Variants in CROT observed in about 807,000 individuals in gnomAD.
CROT encodes the protein peroxisomal carnitine O-octanoyltransferase.
Under a neutral mutation model 89.2 loss-of-function variants are expected in CROT, and 84 were observed. The ratio of observed to expected loss-of-function variants is 0.94; its 90% CI spans 0.79 to 1.13. CROT has a LOEUF of 1.13. CROT is among the 50% of genes most tolerant of loss of function. The pLI, the probability that CROT is intolerant of heterozygous loss-of-function variation, is 0.00. For missense variants in CROT, 711 were observed against 727.8 expected, an observed-to-expected ratio of 0.98 and a Z score of 0.27; for synonymous variants, 212 against 239.5, an observed-to-expected ratio of 0.89 and a Z score of 1.06.
At chr7:87,346,941 C>G (rs1041063251) in intron 2 of CROT, among the ~76,000 whole-genome samples, 1 of 152,178 alleles carries the variant, frequency 6.6e-6, no homozygotes, top group African/African-American at 2.4e-5. Flanking sequence ...TTTCTGGAGG[C>G]TCTAGGGGAG....
At chr7:87,394,977 G>A (rs556391822) in intron 17 of CROT, among the ~76,000 whole-genome samples, 8 of 150,542 alleles carry the variant, frequency 5.3e-5, no homozygotes, top group Non-Finnish European at 1.0e-4. Context: ...AGACAAATGT[G>A]CCCTATTCTG....
intron 10 of CROT, 126 bp from the exon 11 acceptor site, chr7:87,381,784 G>A (rs1807015164): frequency 5.0e-6 from 3 of 598,358 alleles, no homozygotes; most frequent in Non-Finnish European, 2.9e-6. Flanking sequence ...ATCCTCAAGA[G>A]GTGAGGCATT....
intron 17 of CROT, 31 bp from the exon 18 acceptor site, chr7:87,398,493 G>T: frequency 6.2e-7 from 1 of 1,611,550 alleles, no homozygotes. Flanking sequence ...AGCCTTTTGT[G>T]TAATCATTAA....
intron 3 of CROT, among the ~76,000 whole-genome samples, chr7:87,351,700 G>T (rs1213623140): frequency 6.6e-6 from 1 of 152,148 alleles, no homozygotes; most frequent in Non-Finnish European, 1.5e-5. Context: ...TGAGAGGCAG[G>T]TTTAATTTTG....
In CROT at chr7:87,377,390, G is replaced by C. The variant is rs750696044; in HGVS notation, c.918G>C (p.Trp306Cys). ...AILIGDPTVR[W>C]GDKSYNLISF... ...TTATTGGAGATCCAACAGTACGCTGGGGTGACAAATCCTATAACTTGATTT... is the reference window on the plus strand; with the variant it reads ...TTATTGGAGATCCAACAGTACGCTGCGGTGACAAATCCTATAACTTGATTT... Residue 306 changes from tryptophan to cysteine, a missense_variant, in exon 10 of 18, where the codon TGG (tryptophan) becomes TGC (cysteine). Coordinates refer to ENST00000331536, the MANE Select transcript of CROT (RefSeq NM_021151.4). 1 of 1,611,720 alleles carries C rather than the reference G, an allele frequency of 6.2e-7. No individual in the cohort carries two copies. The highest frequency in any genetic ancestry group is 8.5e-7 in the Non-Finnish European group (1 of 1,178,440).
chr7:87,351,802 A>T (rs1014486535), intron 3 of CROT, among the ~76,000 whole-genome samples: 1 of 152,196 alleles, frequency 6.6e-6, no homozygotes, highest in African/African-American at 2.4e-5. Context: ...AAAGTTGTCT[A>T]TAGGAGGTCC....
chr7:87,399,474 C>CA lies in CROT; in HGVS notation c.*833dup, dbSNP rs1807683291. ...TGGGCAAGAGCGTGAGACCCTGTCT[C>CA]AAAGAAGAAAAAAAGAGAAAAATAA... On this transcript the variant is annotated 3_prime_UTR_variant, in exon 18 of 18. Coordinates refer to ENST00000331536, the MANE Select transcript of CROT (RefSeq NM_021151.4). 1 of 151,472 alleles carries CA rather than the reference C, an allele frequency of 6.6e-6. No individual in the cohort carries two copies. Among genetic ancestry groups the CA allele is most frequent in the Non-Finnish European group, 1.5e-5 (1 of 67,940 alleles). The allele number at this position is 151,472 out of a possible 1,614,324, so 9.4% of individuals were successfully genotyped here. A position where few individuals can be genotyped will look rare whatever the true frequency, so the allele number is the denominator to read the frequency against.
chr7:87,347,274 GA>G (rs1380221249), intron 2 of CROT, among the ~76,000 whole-genome samples: 4 of 152,218 alleles, frequency 2.6e-5, no homozygotes, highest in Non-Finnish European at 2.9e-5. Flanking sequence ...AGCAGGGGTG[GA>G]ATCTTGGGGG....
intron 3 of CROT, among the ~76,000 whole-genome samples, chr7:87,351,667 C>T (rs906878359): frequency 2.1e-4 from 32 of 152,176 alleles, no homozygotes; most frequent in Non-Finnish European, 8.8e-5. Context: ...GTGGTCACCA[C>T]GTTGAATGCC....
At chr7:87,388,029 A>AAATGCACAC (rs1807236008) in intron 13 of CROT, among the ~76,000 whole-genome samples, 1 of 152,116 alleles carries the variant, frequency 6.6e-6, no homozygotes, top group African/African-American at 2.4e-5. Context: ...TGGGTCTATT[A>AAATGCACAC]CTGGGGAGCA....
chr7:87,396,682 G>A (rs987449605), intron 17 of CROT, among the ~76,000 whole-genome samples: 1 of 89,568 alleles, frequency 1.1e-5, no homozygotes, highest in Non-Finnish European at 2.4e-5. Flanking sequence ...TGTATTACAT[G>A]CTGATTGTAA....
intron 3 of CROT, chr7:87,354,283 C>T: frequency 2.1e-6 from 1 of 485,662 alleles, no homozygotes; most frequent in Non-Finnish European, 4.1e-6. Context: ...AATCTTGTTT[C>T]TTAAGACAGT....
intron 7 of CROT, among the ~76,000 whole-genome samples, chr7:87,374,165 G>C (rs928317766): frequency 6.6e-6 from 1 of 151,998 alleles, no homozygotes; most frequent in African/African-American, 2.4e-5. Context: ...TTTGTGCTTT[G>C]AAATATAAAA....
chr7:87,391,918 T>C (rs922075468), intron 14 of CROT, among the ~76,000 whole-genome samples: 1 of 152,158 alleles, frequency 6.6e-6, no homozygotes, highest in Non-Finnish European at 1.5e-5. Flanking sequence ...AGGATCCCAT[T>C]TGTGTTATTT....
chr7:87,389,746 A>G (rs1346318232), intron 13 of CROT, among the ~76,000 whole-genome samples: 2 of 152,210 alleles, frequency 1.3e-5, no homozygotes, highest in African/African-American at 4.8e-5. Context: ...CATTCTGCAC[A>G]TGTATCCCAG....
intron 7 of CROT, among the ~76,000 whole-genome samples, chr7:87,374,230 AGGGAT>A (rs1806734186): frequency 6.6e-6 from 1 of 152,126 alleles, no homozygotes; most frequent in Non-Finnish European, 1.5e-5. Context: ...AAAGGAAAAG[AGGGAT>A]TATCTTGTTA....
chr7:87,386,158 A>G (rs1328687195), intron 13 of CROT, among the ~76,000 whole-genome samples: 2 of 152,136 alleles, frequency 1.3e-5, no homozygotes, highest in Non-Finnish European at 2.9e-5. Flanking sequence ...TGGTTTTGGT[A>G]TTAGGATAAT....
In CROT at chr7:87,351,164, C is replaced by T. The variant is rs573925095; in HGVS notation, c.115+1981C>T. 4.8e-3 allele frequency among the ~76,000 whole-genome samples: 733 copies of T among 151,878 alleles called. 7 individuals carry two copies. Among genetic ancestry groups the T allele is most frequent in the Non-Finnish European group, 7.0e-3 (476 of 67,904 alleles). ...TCTACTAAAAATGCAAAAAAATTAG[C>T]CAGGCGTGGTGGCGGGCCCTTGTAG... On this transcript the variant is annotated intron_variant, in intron 3 of 17. Coordinates refer to ENST00000331536, the MANE Select transcript of CROT (RefSeq NM_021151.4).
At chr7:87,369,263 A>G (rs955026817) in intron 6 of CROT, 113 bp from the exon 7 acceptor site, 4 of 635,096 alleles carry the variant, frequency 6.3e-6, no homozygotes, top group African/African-American at 3.7e-5. Flanking sequence ...TTTGATGACT[A>G]TATGATAAAT....
Sources: gnomAD v4.1 joint callset for allele counts (sites outside exome capture counted in the v4.1 genomes callset) on GRCh38, gnomAD v4.1.1 for gene constraint, MANE v1.5 for transcripts, NCBI Gene and HGNC (gene_info 2026-07-23, HGNC 2026-07-21) for gene names.